The following PCDHGB1 variants were observed in gnomAD, a reference collection of about 807,000 sequenced individuals.
The protein encoded by PCDHGB1 is protocadherin gamma-B1.
In PCDHGB1, 34 loss-of-function variants were observed where a neutral mutation model predicts 56.6. The ratio of observed to expected loss-of-function variants is 0.60; its 90% CI spans 0.46 to 0.80. The LOEUF is 0.80. Ranked by LOEUF, PCDHGB1 falls within the 30% of genes least tolerant of loss-of-function variation. The pLI, the probability that PCDHGB1 is intolerant of heterozygous loss-of-function variation, is 0.00. For missense variants in PCDHGB1, 1,278 were observed against 1,204.6 expected, an observed-to-expected ratio of 1.06 and a Z score of -0.90; for synonymous variants, 561 against 505.9, an observed-to-expected ratio of 1.11 and a Z score of -1.46.
rs369637121 is a variant in PCDHGB1 at position 141,388,619 on chromosome 5, C to G, written c.2409+35950C>G. ...ATAATGCTCCAGTGTTCAGTCAAGA[C>G]GTATACAGGGTGAGCCTTTCAGAAA... On this transcript the variant is annotated intron_variant, in intron 1 of 3. Transcript: ENST00000523390. 18 of 1,613,852 alleles carry G rather than the reference C, an allele frequency of 1.1e-5. No individual in the cohort carries two copies. The African/African-American group carries it at 1.7e-4, about 16-fold the overall frequency.
At chr5:141,364,988 C>A (rs1479313119) in intron 1 of PCDHGB1, 10 of 1,613,892 alleles carry the variant, frequency 6.2e-6, no homozygotes, top group East Asian at 4.5e-5. Context: ...TGGCGGAGAC[C>A]CGGTACTCTC....
intron 1 of PCDHGB1, among the ~76,000 whole-genome samples, chr5:141,473,195 C>T (rs1053769499): frequency 6.6e-6 from 1 of 152,104 alleles, no homozygotes; most frequent in African/African-American, 2.4e-5. Flanking sequence ...GTAAATGTAT[C>T]TTCTAAAAAA....
rs781026604 is a variant in PCDHGB1, at chr5:141,490,471, C to A, written c.2410-4336C>A. The A allele has an allele frequency of 6.2e-7, 1 of 1,614,214 alleles. No individual in the cohort carries two copies. The highest frequency in any genetic ancestry group is 1.1e-5 in the South Asian group (1 of 91,088). On this transcript the variant is annotated intron_variant, in intron 1 of 3. Transcript: ENST00000523390. This position sits in a 1 kb window ranked among gnomAD's most constrained non-coding sequence, Gnocchi z 5.4. ...CCACTACTCGCTGCTAACCAGCCAGCCTTTGGACCGGGAGGCCACATCCCA... is the reference window on the plus strand; with the variant it reads ...CCACTACTCGCTGCTAACCAGCCAGACTTTGGACCGGGAGGCCACATCCCA...
At chr5:141,370,820 C>CA in intron 1 of PCDHGB1, 1 of 1,614,062 alleles carries the variant, frequency 6.2e-7, no homozygotes, top group Non-Finnish European at 8.5e-7. Flanking sequence ...AGCTGGAAAT[C>CA]AGCGAACTGG....
At position 141,388,702 on chromosome 5, in the gene PCDHGB1, T is replaced by G. The variant is rs201901866; in HGVS notation, c.2409+36033T>G. 3.2e-3 allele frequency: 5,096 copies of G among 1,613,936 alleles called. 17 individuals are homozygous for G. The highest frequency in any genetic ancestry group is 8.9e-3 in the Middle Eastern group (54 of 6,062). On this transcript the variant is annotated intron_variant, in intron 1 of 3. Coordinates refer to ENST00000523390, the MANE Select transcript of PCDHGB1 (RefSeq NM_018922.3). ...ACTGCCACGGACCAGGATGAGGGTG[T>G]CAATGCCGAGATTACTTTCTCTTTC...
rs757019379 is a variant in PCDHGB1 at position 141,390,006 on chromosome 5, G to T, written c.2409+37337G>T. 4.5e-5 allele frequency: 73 copies of T among 1,613,888 alleles called. No individual in the cohort carries two copies. Among genetic ancestry groups the T allele is most frequent in the Admixed American group, 1.7e-5 (1 of 60,004 alleles). ...GCTCTTCCTCGTGGCCATGATTCTG[G>T]CCATTGCCTTGCGCCTGCGACGCTC... On this transcript the variant is annotated intron_variant, in intron 1 of 3. Transcript: ENST00000523390.
At chr5:141,449,148 T>C (rs570694341) in intron 1 of PCDHGB1, among the ~76,000 whole-genome samples, 20 of 152,268 alleles carry the variant, frequency 1.3e-4, no homozygotes, top group African/African-American at 4.8e-4. Flanking sequence ...AATTGCTGGG[T>C]CAAAGAGGAA....
At chr5:141,384,308 C>T in intron 1 of PCDHGB1, 1 of 1,613,854 alleles carries the variant, frequency 6.2e-7, no homozygotes, top group Non-Finnish European at 8.5e-7. Context: ...AGAGGGGCCT[C>T]CATTTTCTTA....
At chr5:141,439,009 G>T (rs1474312524) in intron 1 of PCDHGB1, among the ~76,000 whole-genome samples, 1 of 151,594 alleles carries the variant, frequency 6.6e-6, no homozygotes, top group Non-Finnish European at 1.5e-5. Flanking sequence ...TGGTTTGTTT[G>T]TCAAATTTTG....
chr5:141,389,597 G>A (rs372987681), intron 1 of PCDHGB1: 95 of 1,613,008 alleles, frequency 5.9e-5, no homozygotes, highest in Non-Finnish European at 7.5e-5. Context: ...ACGGCTCTGC[G>A]CTCTTCGATA....
At position 141,356,156 on chromosome 5, in the gene PCDHGB1, T is replaced by C. The variant is rs562303967; in HGVS notation, c.2409+3487T>C. ...GACTCTGGATTCTATGACATAGATG[T>C]AGAAGCCCATGATGGGCCTGGTCTC... On this transcript the variant is annotated intron_variant, in intron 1 of 3. Coordinates refer to ENST00000523390, the MANE Select transcript of PCDHGB1 (RefSeq NM_018922.3). The C allele has an allele frequency of 2.3e-5, 37 of 1,613,352 alleles. No individual in the cohort carries two copies. The Admixed American group carries it at 2.3e-4, about 10-fold the overall frequency.
Position 141,351,522 on chromosome 5 carries a change from C to A in PCDHGB1, c.1262C>A (p.Thr421Asn). 2 of 1,614,018 alleles carry A rather than the reference C, an allele frequency of 1.2e-6. No individual in the cohort carries two copies. The highest frequency in any genetic ancestry group is 1.1e-5 in the South Asian group (1 of 91,084). ...GACTACAACGTCACAATCATAGCCA[C>A]CGACAAGGGCAAACCAGCCCTTTCC... is the stretch of plus-strand genomic sequence containing the variant. ...TADYNVTIIA[T>N]DKGKPALSSR... Residue 421 changes from threonine (T) to asparagine (N), a missense_variant, in exon 1 of 4, where the codon ACC becomes AAC. Coordinates refer to ENST00000523390, the MANE Select transcript of PCDHGB1 (RefSeq NM_018922.3).
At chr5:141,414,274 G>A (rs762803658) in intron 1 of PCDHGB1, 23 of 1,613,368 alleles carry the variant, frequency 1.4e-5, no homozygotes, top group Non-Finnish European at 1.9e-5. Flanking sequence ...TTCACCTCTG[G>A]GAACAGTCGT....
chr5:141,407,798 A>T (rs2094982737), intron 1 of PCDHGB1, among the ~76,000 whole-genome samples: 1 of 152,256 alleles, frequency 6.6e-6, no homozygotes, highest in Non-Finnish European at 1.5e-5. Context: ...AACACAAAGC[A>T]TAGAAATATC....
intron 1 of PCDHGB1, among the ~76,000 whole-genome samples, chr5:141,450,162 A>T (rs2098671900): frequency 6.6e-6 from 1 of 151,624 alleles, no homozygotes; most frequent in Admixed American, 6.6e-5. Flanking sequence ...ATGTGCCACC[A>T]CACTCCCACC....
At chr5:141,372,366 G>T in intron 1 of PCDHGB1, 2 of 1,613,950 alleles carry the variant, frequency 1.2e-6, no homozygotes, top group East Asian at 4.5e-5. Context: ...TTCAGCCACC[G>T]TCATGCTGCA....
chr5:141,485,827 G>A lies in PCDHGB1; in HGVS notation c.2410-8980G>A. 1 of 1,614,154 alleles carries A rather than the reference G, an allele frequency of 6.2e-7. No individual in the cohort carries two copies. The highest frequency in any genetic ancestry group is 1.1e-5 in the South Asian group (1 of 91,080). On this transcript the variant is annotated intron_variant, in intron 1 of 3. Coordinates refer to ENST00000523390, the MANE Select transcript of PCDHGB1 (RefSeq NM_018922.3). The surrounding 1 kb of genome is among the most constrained non-coding windows in gnomAD (Gnocchi z 5.7). Reference sequence around the variant, plus strand: ...TGGTGCTGACTGCTGTCGATGGAGGGAACCCGCCGAGATCTGGCACCGCAG... The same window carrying A: ...TGGTGCTGACTGCTGTCGATGGAGGAAACCCGCCGAGATCTGGCACCGCAG...
chr5:141,403,929 G>A (rs1203236737), intron 1 of PCDHGB1: 5 of 1,613,854 alleles, frequency 3.1e-6, no homozygotes, highest in Non-Finnish European at 4.2e-6. Context: ...GATGGTGGGG[G>A]ATTGAAAGGG....
At chr5:141,409,942 C>T (rs1168442761) in intron 1 of PCDHGB1, 4 of 1,613,284 alleles carry the variant, frequency 2.5e-6, no homozygotes, top group South Asian at 1.1e-5. Flanking sequence ...TGGTACCTCG[C>T]TCTGCAGAGC....
Sources: gnomAD v4.1 joint callset for allele counts (sites outside exome capture counted in the v4.1 genomes callset) on GRCh38, gnomAD v4.1.1 for gene constraint, Gnocchi (gnomAD v3.1) non-coding constraint, MANE v1.5 for transcripts, NCBI Gene and HGNC (gene_info 2026-07-23, HGNC 2026-07-21) for gene names.